The following FAM168A variants were observed in gnomAD, a reference collection of about 807,000 sequenced individuals.
FAM168A encodes family with sequence similarity 168 member A, also known as protein FAM168A.
FAM168A carries 3 observed loss-of-function variants against 28.5 expected under a neutral mutation model. The observed-to-expected ratio is 0.11, with a 90% CI of 0.05 to 0.27. FAM168A has a LOEUF of 0.27. Ranked by LOEUF, FAM168A falls within the 10% of genes least tolerant of loss-of-function variation. The pLI, the probability that FAM168A is intolerant of heterozygous loss-of-function variation, is 1.00. For synonymous variants in FAM168A, 122 were observed against 124.2 expected (o/e 0.98, Z 0.12); for missense variants, 222 against 311.5 (o/e 0.71, Z 2.16).
chr11:73,556,344 T>G (rs75531513), intron 1 of FAM168A, among the ~76,000 whole-genome samples: 2,235 of 151,078 alleles, frequency 0.015, 23 homozygotes, highest in Non-Finnish European at 0.023. Flanking sequence ...GTGAGAATTG[T>G]CACTTTTAAA....
intron 1 of FAM168A, among the ~76,000 whole-genome samples, chr11:73,486,566 G>A (rs149667067): frequency 1.5e-4 from 23 of 152,096 alleles, no homozygotes; most frequent in Middle Eastern, 3.4e-3. Flanking sequence ...TTCCCATTTC[G>A]GATAAAGATA....
At chr11:73,438,747 G>A (rs747690075) in intron 2 of FAM168A, among the ~76,000 whole-genome samples, 1 of 152,168 alleles carries the variant, frequency 6.6e-6, no homozygotes, top group East Asian at 1.9e-4. Context: ...GAACACGATA[G>A]TAAGTCACTA....
At chr11:73,584,958 G>A (rs1348045274) in intron 1 of FAM168A, among the ~76,000 whole-genome samples, 2 of 151,516 alleles carry the variant, frequency 1.3e-5, no homozygotes, top group East Asian at 1.9e-4. Flanking sequence ...GCAACATAAC[G>A]AGACTTCATC....
rs1037490574 is a variant in FAM168A, at chr11:73,402,370, T to C, written c.*4393A>G. 1 of 152,088 alleles carries C rather than the reference T, an allele frequency of 6.6e-6. No homozygotes were observed. The highest frequency in any genetic ancestry group is 1.5e-5 in the Non-Finnish European group (1 of 68,038). The allele number at this position is 152,088 out of a possible 1,614,324, so 9.4% of individuals were successfully genotyped here. ...GTGCCTCGCTGGGAACCTGGATGAG[T>C]CCTATCTGTATGAGGAGCCAAAACT... is the stretch of plus-strand genomic sequence containing the variant. On this transcript the variant is annotated 3_prime_UTR_variant, in exon 8 of 8. Transcript: ENST00000356467.
In FAM168A at chr11:73,550,029, T is replaced by G. The variant is rs746943901; in HGVS notation, c.-19+47894A>C. On this transcript the variant is annotated intron_variant, in intron 1 of 7. Transcript: ENST00000356467. The stretch of plus-strand genomic sequence containing the variant: ...TAAAAATAAGAAGACTGGTTAAAAT[T>G]TATCATACTTTTTATCATATCGTTT... Among the ~76,000 whole-genome samples, 10 of 152,234 alleles carry G rather than the reference T, an allele frequency of 6.6e-5. 1 individual carries two copies. Among genetic ancestry groups the G allele is most frequent in the Non-Finnish European group, 4.4e-5 (3 of 68,042 alleles).
At chr11:73,593,820 G>A (rs75429476) in intron 1 of FAM168A, among the ~76,000 whole-genome samples, 8,622 of 152,108 alleles carry the variant, frequency 0.057, 838 homozygotes, top group African/African-American at 0.2. Context: ...CTTTACAGAT[G>A]AGCCCATTGT....
chr11:73,562,327 G>A lies in FAM168A; in HGVS notation c.-19+35596C>T, dbSNP rs145958960. ...AGGATAGTAACACTTACGCTGAAAG[G>A]TTCTTTTGGGGATTATATAATATAT... On this transcript the variant is annotated intron_variant, in intron 1 of 7. Coordinates refer to ENST00000356467, the MANE Select transcript of FAM168A (RefSeq NM_015159.3). 4.7e-3 allele frequency among the ~76,000 whole-genome samples: 722 copies of A among 152,298 alleles called. 10 individuals are homozygous for A. The highest frequency in any genetic ancestry group is 0.015 in the African/African-American group (606 of 41,566).
intron 2 of FAM168A, among the ~76,000 whole-genome samples, chr11:73,462,284 G>T (rs895193863): frequency 6.6e-6 from 1 of 152,148 alleles, no homozygotes; most frequent in African/African-American, 2.4e-5. Context: ...TAAAAAGGAA[G>T]GAAATCCTGA....
intron 4 of FAM168A, among the ~76,000 whole-genome samples, chr11:73,414,816 C>G (rs1866671496): frequency 6.6e-6 from 1 of 152,238 alleles, no homozygotes; most frequent in African/African-American, 2.4e-5. Flanking sequence ...CTACTATGGT[C>G]TGTCCCAGCT....
chr11:73,419,733 A>AT, intron 4 of FAM168A, 141 bp downstream of exon 4: 1 of 1,007,412 alleles, frequency 9.9e-7, no homozygotes, highest in Non-Finnish European at 1.4e-6. Flanking sequence ...AGGAGGGGTA[A>AT]TTTTTTGCCT....
At chr11:73,559,416 G>C (rs1279537882) in intron 1 of FAM168A, among the ~76,000 whole-genome samples, 1 of 151,680 alleles carries the variant, frequency 6.6e-6, no homozygotes, top group Non-Finnish European at 1.5e-5. Flanking sequence ...TCATACCACT[G>C]CACTCCAGCC....
At chr11:73,536,085 A>T (rs1943576786) in intron 1 of FAM168A, among the ~76,000 whole-genome samples, 1 of 152,014 alleles carries the variant, frequency 6.6e-6, no homozygotes, top group Admixed American at 6.6e-5. Flanking sequence ...GTCTCAAGCA[A>T]TCTGTCTACT....
chr11:73,579,616 T>C (rs889867970), intron 1 of FAM168A, among the ~76,000 whole-genome samples: 2 of 152,206 alleles, frequency 1.3e-5, no homozygotes, highest in African/African-American at 4.8e-5. Flanking sequence ...TCTAAAGAAA[T>C]GTAATTAAAT....
intron 1 of FAM168A, among the ~76,000 whole-genome samples, chr11:73,595,609 C>G (rs957864131): frequency 1.3e-5 from 2 of 152,098 alleles, no homozygotes; most frequent in Non-Finnish European, 2.9e-5. Flanking sequence ...AAAGATGTTC[C>G]CTCCATTTGC....
chr11:73,587,697 T>A (rs1488740821), intron 1 of FAM168A, among the ~76,000 whole-genome samples: 2 of 152,164 alleles, frequency 1.3e-5, no homozygotes, highest in African/African-American at 4.8e-5. Flanking sequence ...AATCCTTAAT[T>A]ATACATCTGT....
chr11:73,457,752 AAAAGAAAAG>A (rs1399378035), intron 2 of FAM168A, among the ~76,000 whole-genome samples: 6 of 128,372 alleles, frequency 4.7e-5, no homozygotes, highest in Non-Finnish European at 8.0e-5. Flanking sequence ...AAAAAAAAAG[AAAAGAAAAG>A]AAAGAAAAGA....
chr11:73,407,363 T>C lies in FAM168A; in HGVS notation c.*18+150A>G, dbSNP rs1590750282. ...AAGTGATAGCTATTATTAAGAGTGA[T>C]ATTATGGACCTTGGAGCAGGAAAGC... is the stretch of plus-strand genomic sequence containing the variant. On this transcript the variant is annotated intron_variant, in intron 7 of 7. Coordinates refer to ENST00000356467, the MANE Select transcript of FAM168A (RefSeq NM_015159.3). 3 of 514,666 alleles carry C rather than the reference T, an allele frequency of 5.8e-6. No individual in the cohort carries two copies. In the East Asian group the frequency reaches 1.1e-4, roughly 18 times the overall value. 31.9% of individuals were successfully genotyped at this position (514,666 alleles called of 1,614,324 possible).
chr11:73,424,566 G>C (rs1866850918), intron 3 of FAM168A, among the ~76,000 whole-genome samples: 1 of 152,080 alleles, frequency 6.6e-6, no homozygotes, highest in South Asian at 2.1e-4. Context: ...GGAACATATT[G>C]TATCTAAAGT....
At chr11:73,564,230 A>T (rs1024064953) in intron 1 of FAM168A, among the ~76,000 whole-genome samples, 1 of 152,222 alleles carries the variant, frequency 6.6e-6, no homozygotes, top group African/African-American at 2.4e-5. Flanking sequence ...TTCACATAAC[A>T]CTAGAGCTAA....
Sources: gnomAD v4.1 joint callset for allele counts (sites outside exome capture counted in the v4.1 genomes callset) on GRCh38, gnomAD v4.1.1 for gene constraint, MANE v1.5 for transcripts, NCBI Gene and HGNC (gene_info 2026-07-23, HGNC 2026-07-21) for gene names.